The following GBP7 variants were observed in gnomAD, a reference collection of about 807,000 sequenced individuals.
GBP7 encodes the protein guanylate binding protein 7, also known as guanylate-binding protein 7.
GBP7 carries 43 observed loss-of-function variants against 61.3 expected under a neutral mutation model. The observed-to-expected ratio is 0.70, with a 90% CI of 0.55 to 0.91. The LOEUF is 0.91. Ranked by LOEUF, GBP7 falls within the 40% of genes least tolerant of loss-of-function variation. The pLI, the probability that GBP7 is intolerant of heterozygous loss-of-function variation, is 0.00. For synonymous variants in GBP7, 267 were observed against 271.0 expected (o/e 0.99, Z 0.14); for missense variants, 717 against 740.5 (o/e 0.97, Z 0.37).
At chr1:89,138,354 C>T (rs945085183) in intron 9 of GBP7, among the ~76,000 whole-genome samples, 1 of 152,062 alleles carries the variant, frequency 6.6e-6, no homozygotes, top group African/African-American at 2.4e-5. Flanking sequence ...CCCCGAGTAG[C>T]CAAGGCACTC....
intron 1 of GBP7, among the ~76,000 whole-genome samples, chr1:89,174,165 T>C (rs927534299): frequency 6.6e-6 from 1 of 152,218 alleles, no homozygotes; most frequent in African/African-American, 2.4e-5. Context: ...ATTTAGATTG[T>C]TTCAAATATT....
At chr1:89,158,724 T>C (rs1381036238) in intron 3 of GBP7, among the ~76,000 whole-genome samples, 1 of 152,160 alleles carries the variant, frequency 6.6e-6, no homozygotes, top group Non-Finnish European at 1.5e-5. Context: ...CACAAACAAA[T>C]GGAAGAGCAT....
Position 89,162,641 on chromosome 1 carries a change from T to C in GBP7, c.318+2090A>G, listed in dbSNP as rs540741875. ...CCTGAGACTTTGCTGAAGTTGTTTA[T>C]CAGCTTAAGAAGCTTTTGGGCTGAG... On this transcript the variant is annotated intron_variant, in intron 3 of 10. Coordinates refer to ENST00000294671, the MANE Select transcript of GBP7 (RefSeq NM_207398.3). 3.9e-5 allele frequency among the ~76,000 whole-genome samples: 6 copies of C among 152,372 alleles called. No individual in the cohort carries two copies. In the South Asian group the frequency reaches 1.2e-3, roughly 32 times the overall value.
intron 3 of GBP7, among the ~76,000 whole-genome samples, chr1:89,157,577 C>G (rs994091729): frequency 4.6e-5 from 7 of 152,104 alleles, no homozygotes; most frequent in Admixed American, 1.3e-4. Flanking sequence ...AGTATAAACA[C>G]CTCTACCAAA....
At position 89,131,959 on chromosome 1, in the gene GBP7, A is replaced by G. The variant is rs1451336036; in HGVS notation, c.*190T>C. The G allele has an allele frequency of 6.8e-6, 3 of 439,138 alleles. No individual in the cohort carries two copies. The highest frequency in any genetic ancestry group is 8.0e-6 in the Non-Finnish European group (2 of 250,394). The allele number at this position is 439,138 out of a possible 1,614,324, so 27.2% of individuals were successfully genotyped here. On this transcript the variant is annotated 3_prime_UTR_variant, in exon 11 of 11. Transcript: ENST00000294671. ...TTAAATCTTTTCTAGGAATAATTTT[A>G]TCTTCTAACTTGTTCCCCATTTCTA...
chr1:89,145,027 A>C (rs985834425), intron 8 of GBP7, among the ~76,000 whole-genome samples: 24 of 144,150 alleles, frequency 1.7e-4, no homozygotes, highest in African/African-American at 6.0e-4. Flanking sequence ...ATCTCGGTTC[A>C]CTGCAACCTC....
chr1:89,151,055 T>C lies in GBP7; in HGVS notation c.626-480A>G, dbSNP rs191991303. Among the ~76,000 whole-genome samples the C allele has an allele frequency of 1.4e-4, 21 of 152,348 alleles. No individual in the cohort carries two copies. The East Asian group carries it at 3.8e-3, about 28-fold the overall frequency. Reference sequence around the variant, plus strand: ...CTTTCTATACTTTTCTTCCCTTTTTTTGTGGTAAGAGTACCTAAAATCTAA... The same window carrying C: ...CTTTCTATACTTTTCTTCCCTTTTTCTGTGGTAAGAGTACCTAAAATCTAA... On this transcript the variant is annotated intron_variant, in intron 5 of 10. Transcript: ENST00000294671.
At chr1:89,154,216 C>T (rs1227999167) in intron 3 of GBP7, among the ~76,000 whole-genome samples, 3 of 152,164 alleles carry the variant, frequency 2.0e-5, no homozygotes, top group African/African-American at 4.8e-5. Context: ...CAATCTATTT[C>T]AAATCAATAT....
At chr1:89,146,109 A>G (rs1281077185) in intron 8 of GBP7, among the ~76,000 whole-genome samples, 1 of 152,242 alleles carries the variant, frequency 6.6e-6, no homozygotes, top group Non-Finnish European at 1.5e-5. Context: ...AGAGACATCT[A>G]ACTGCATGGA....
intron 7 of GBP7, among the ~76,000 whole-genome samples, chr1:89,148,350 A>G (rs1682114637): frequency 6.6e-6 from 1 of 152,256 alleles, no homozygotes; most frequent in South Asian, 2.1e-4. Flanking sequence ...TAACAGTGCC[A>G]ATGGCAGATT....
chr1:89,152,787 A>AAT lies in GBP7; in HGVS notation c.319-11_319-10insAT. The AAT allele has an allele frequency of 1.3e-6, 2 of 1,488,652 alleles. No homozygotes were observed. Among genetic ancestry groups the AAT allele is most frequent in the Non-Finnish European group, 1.8e-6 (2 of 1,125,252 alleles). 92.2% of individuals were successfully genotyped at this position (1,488,652 alleles called of 1,614,324 possible). A position where few individuals can be genotyped will look rare whatever the true frequency, so the allele number is the denominator to read the frequency against. ...CACTCTTAGGGTCACTCTAGTGTTAAAGAAAAAAAAAAAAAAAATGGAAGC... is the reference window on the plus strand; with the variant it reads ...CACTCTTAGGGTCACTCTAGTGTTAAATAGAAAAAAAAAAAAAAAATGGAAGC... On this transcript the variant is annotated splice_polypyrimidine_tract_variant and intron_variant, in intron 3 of 10. Coordinates refer to ENST00000294671, the MANE Select transcript of GBP7 (RefSeq NM_207398.3).
intron 3 of GBP7, among the ~76,000 whole-genome samples, chr1:89,155,118 A>G (rs1682284095): frequency 6.6e-6 from 1 of 152,260 alleles, no homozygotes. Context: ...GCAAACTCCA[A>G]CAGACCTGCA....
At chr1:89,140,458 C>A (rs1681911095) in intron 9 of GBP7, among the ~76,000 whole-genome samples, 1 of 60,702 alleles carries the variant, frequency 1.6e-5, no homozygotes, top group African/African-American at 6.7e-5. Flanking sequence ...ATAAAAAAAA[C>A]TGAAAAAAAA....
chr1:89,168,781 A>AAACAAC lies in GBP7; in HGVS notation c.190+2959_190+2964dup, dbSNP rs34186424. On this transcript the variant is annotated intron_variant, in intron 2 of 10. Coordinates refer to ENST00000294671, the MANE Select transcript of GBP7 (RefSeq NM_207398.3). ...GAAACCCTGTCTCTACTAAAAATAC[A>AAACAAC]AACAACAACAACAACAACAACAACA... Among the ~76,000 whole-genome samples, 997 of 150,174 alleles carry AAACAAC rather than the reference A, an allele frequency of 6.6e-3. 8 individuals carry two copies. Among genetic ancestry groups the AAACAAC allele is most frequent in the African/African-American group, 0.016 (648 of 40,648 alleles).
chr1:89,156,344 C>T (rs2100651682), intron 3 of GBP7, among the ~76,000 whole-genome samples: 1 of 152,298 alleles, frequency 6.6e-6, no homozygotes, highest in East Asian at 1.9e-4. Flanking sequence ...ATCAAATTCA[C>T]ACATAACAAT....
intron 8 of GBP7, among the ~76,000 whole-genome samples, chr1:89,142,129 A>C (rs1231239885): frequency 2.0e-5 from 3 of 152,170 alleles, no homozygotes; most frequent in Non-Finnish European, 4.4e-5. Flanking sequence ...AATGTTGATA[A>C]TAGTTCATTA....
In GBP7 at chr1:89,152,751, G is replaced by C; in HGVS notation, c.345C>G (p.Ile115Met). ...EKSDPKSDSWIFALAVLLSSS... is the reference protein window; with the variant it reads ...EKSDPKSDSWMFALAVLLSSS... ...TGCTTAGAAGCACAGCCAGGGCAAA[G>C]ATCCACGAGTCACTCTTAGGGTCAC... Residue 115 changes from isoleucine to methionine, a missense_variant, in exon 4 of 11, where the codon ATC (isoleucine) becomes ATG (methionine). Physicochemically the swap from Ile to Met is conservative, Grantham distance 10 (BLOSUM62 1). Coordinates refer to ENST00000294671, the MANE Select transcript of GBP7 (RefSeq NM_207398.3). 1.2e-6 allele frequency: 2 copies of C among 1,601,512 alleles called. No homozygotes were observed. The highest frequency in any genetic ancestry group is 2.8e-5 in the African/African-American group (2 of 72,420).
chr1:89,136,788 A>T (rs947945183), intron 9 of GBP7, among the ~76,000 whole-genome samples: 1 of 152,110 alleles, frequency 6.6e-6, no homozygotes, highest in Non-Finnish European at 1.5e-5. Context: ...GCTAGCTGAG[A>T]CAAGAAATAA....
intron 10 of GBP7, 29 bp downstream of exon 10, chr1:89,133,229 A>G (rs1484674340): frequency 1.3e-6 from 2 of 1,579,614 alleles, no homozygotes; most frequent in East Asian, 4.5e-5. Flanking sequence ...ATTGTGCCTC[A>G]AGCACTGCCA....
Sources: allele counts gnomAD v4.1 joint callset (sites outside exome capture counted in the v4.1 genomes callset), GRCh38; gene constraint gnomAD v4.1.1; transcripts MANE v1.5; gene names NCBI Gene and HGNC (gene_info 2026-07-23, HGNC 2026-07-21).